PNKD: variants seen among roughly 807,000 people sequenced by gnomAD.
The protein encoded by PNKD is probable thioesterase PNKD.
PNKD carries 36 observed loss-of-function variants against 45.3 expected under a neutral mutation model. That is an observed-to-expected ratio of 0.80 (90% confidence interval 0.61 to 1.05). PNKD has a LOEUF of 1.05. Among genes scored for constraint, PNKD ranks in the 50% least tolerant of loss-of-function variants. The pLI is 0.00. For missense variants in PNKD, 511 were observed against 506.6 expected (o/e 1.01, Z -0.08); for synonymous variants, 197 against 210.1 (o/e 0.94, Z 0.54).
intron 2 of PNKD, among the ~76,000 whole-genome samples, chr2:218,276,425 G>C (rs1365798619): frequency 6.6e-6 from 1 of 152,172 alleles, no homozygotes; most frequent in Non-Finnish European, 1.5e-5. Context: ...AGCCTGGGAG[G>C]GGTAGACTAA....
intron 2 of PNKD, among the ~76,000 whole-genome samples, chr2:218,296,356 T>G (rs186899831): frequency 6.6e-6 from 1 of 152,252 alleles, no homozygotes; most frequent in African/African-American, 2.4e-5. Context: ...AGACTGATGT[T>G]TATTTTAGGA....
At chr2:218,314,509 G>T (rs1041311805) in intron 2 of PNKD, among the ~76,000 whole-genome samples, 1 of 151,712 alleles carries the variant, frequency 6.6e-6, no homozygotes, top group South Asian at 2.1e-4. Flanking sequence ...TTGTACTTTG[G>T]GTGCAAGTTA....
At chr2:218,305,780 G>A (rs904491023) in intron 2 of PNKD, among the ~76,000 whole-genome samples, 40 of 152,156 alleles carry the variant, frequency 2.6e-4, no homozygotes, top group African/African-American at 9.7e-4. Flanking sequence ...CCAGGGTCTG[G>A]AGTTAGAGTA....
At chr2:218,315,096 C>CG (rs1693768228) in intron 2 of PNKD, among the ~76,000 whole-genome samples, 1 of 61,020 alleles carries the variant, frequency 1.6e-5, no homozygotes, top group Non-Finnish European at 3.3e-5. Context: ...CTCTCTCTCT[C>CG]CTTCCTTCCT....
chr2:218,315,014 T>TTC (rs1491028974), intron 2 of PNKD, among the ~76,000 whole-genome samples: 71 of 1,248 alleles, frequency 0.057, 3 homozygotes, highest in Non-Finnish European at 0.087. Context: ...TTCTTTCTTT[T>TTC]TCTTTCTTTC....
intron 2 of PNKD, among the ~76,000 whole-genome samples, chr2:218,337,553 C>G (rs1458832382): frequency 1.3e-5 from 2 of 152,198 alleles, no homozygotes; most frequent in African/African-American, 4.8e-5. Context: ...GTTCCTTGGT[C>G]ATTCGTGTTT....
intron 7 of PNKD, 38 bp from the exon 8 acceptor site, chr2:218,343,462 C>T (rs757132106): frequency 6.7e-7 from 1 of 1,503,658 alleles, no homozygotes; most frequent in South Asian, 1.1e-5. Context: ...ATTGTGTTAT[C>T]CTGGCACCTT....
At position 218,326,781 on chromosome 2, in the gene PNKD, C is replaced by A. The variant is rs1454645941; in HGVS notation, c.237-13002C>A. ...CATCCCTTCATTCAGCCAGGGAACA[C>A]CTAGCTGCCCTAGGTAAGGACTGTG... On this transcript the variant is annotated intron_variant, in intron 2 of 9. Coordinates refer to ENST00000273077, the MANE Select transcript of PNKD (RefSeq NM_015488.5). The surrounding 1 kb of genome is among the most constrained non-coding windows in gnomAD (Gnocchi z 4.1). 1 of 152,276 alleles carries A rather than the reference C, an allele frequency of 6.6e-6. No homozygotes were observed. 9.4% of individuals were successfully genotyped at this position (152,276 alleles called of 1,614,324 possible). A position where few individuals can be genotyped will look rare whatever the true frequency, so the allele number is the denominator to read the frequency against.
chr2:218,325,537 TC>T (rs1694126286), intron 2 of PNKD, among the ~76,000 whole-genome samples: 1 of 152,126 alleles, frequency 6.6e-6, no homozygotes, highest in African/African-American at 2.4e-5. Context: ...AAACATTTTC[TC>T]CCCACAAAAT....
At chr2:218,279,389 G>C in intron 2 of PNKD, 3 of 1,521,662 alleles carry the variant, frequency 2.0e-6, no homozygotes, top group Non-Finnish European at 2.6e-6. Context: ...TCACCATCCG[G>C]CACCCCTGGC....
At chr2:218,323,216 C>T (rs898313885) in intron 2 of PNKD, 138 of 1,429,086 alleles carry the variant, frequency 9.7e-5, no homozygotes, top group Non-Finnish European at 9.0e-5. Context: ...GGGGCCGGGC[C>T]GTTGCCTAGC....
intron 2 of PNKD, chr2:218,278,706 AC>A: frequency 1.1e-6 from 1 of 916,680 alleles, no homozygotes; most frequent in Non-Finnish European, 1.7e-6. Context: ...GAACGAGATT[AC>A]CCCCAGCCAG....
At position 218,343,583 on chromosome 2, in the gene PNKD, C is replaced by T; in HGVS notation, c.865C>T (p.Pro289Ser). Residue 289 changes from proline (P) to serine (S), a missense_variant, in exon 8 of 10, where the codon CCT (proline) becomes TCT (serine). Coordinates refer to ENST00000273077, the MANE Select transcript of PNKD (RefSeq NM_015488.5). ...GCTAGGGGATGACACCCTTCTGTGG[C>T]CTGGTGAGACACCCCCTTACTACTC... Reference protein sequence around the residue: ...LGLGDDTLLWPGHEYAEENLG... With the variant: ...LGLGDDTLLWSGHEYAEENLG... 1.2e-6 allele frequency: 2 copies of T among 1,610,246 alleles called. No homozygotes were observed. The highest frequency in any genetic ancestry group is 1.7e-6 in the Non-Finnish European group (2 of 1,177,656).
At chr2:218,324,208 A>C (rs1694078450) in intron 2 of PNKD, among the ~76,000 whole-genome samples, 1 of 152,334 alleles carries the variant, frequency 6.6e-6, no homozygotes, top group African/African-American at 2.4e-5. Flanking sequence ...GGAAGAAGAC[A>C]GGCCTCCGAG....
chr2:218,320,215 C>T (rs1008512343), intron 2 of PNKD, among the ~76,000 whole-genome samples: 4 of 152,156 alleles, frequency 2.6e-5, no homozygotes, highest in Non-Finnish European at 5.9e-5. Context: ...ATCCTTGGCC[C>T]TACTCTTTTT....
intron 2 of PNKD, chr2:218,334,617 G>C: frequency 1.5e-6 from 1 of 685,250 alleles, no homozygotes; most frequent in Non-Finnish European, 2.7e-6. Flanking sequence ...TCACATCACC[G>C]CACTCTTGAC....
chr2:218,315,100 CCTTCCT>C (rs1693769150), intron 2 of PNKD, among the ~76,000 whole-genome samples: 9 of 123,638 alleles, frequency 7.3e-5, no homozygotes, highest in Admixed American at 5.6e-4. Context: ...CTCTCTCCTT[CCTTCCT>C]TCCTTCCTTC....
At chr2:218,291,056 G>A (rs982093517) in intron 2 of PNKD, among the ~76,000 whole-genome samples, 1 of 152,202 alleles carries the variant, frequency 6.6e-6, no homozygotes, top group Non-Finnish European at 1.5e-5. Flanking sequence ...GAGGTGCTCT[G>A]AGGTAGACAG....
At chr2:218,304,410 C>T (rs1208629249) in intron 2 of PNKD, among the ~76,000 whole-genome samples, 1 of 152,092 alleles carries the variant, frequency 6.6e-6, no homozygotes, top group African/African-American at 2.4e-5. Context: ...TCCCAAAGTG[C>T]TGGGATTACA....
Sources: allele counts gnomAD v4.1 joint callset (sites outside exome capture counted in the v4.1 genomes callset), GRCh38; gene constraint gnomAD v4.1.1; non-coding constraint Gnocchi (gnomAD v3.1); transcripts MANE v1.5; gene names NCBI Gene and HGNC (gene_info 2026-07-23, HGNC 2026-07-21).